Variants in USP26 observed in about 807,000 individuals in gnomAD.
USP26 encodes ubiquitin specific peptidase 26.
For missense variants in USP26, 649 were observed against 642.3 expected (o/e 1.01, Z -0.11); for synonymous variants, 236 against 240.6 (o/e 0.98, Z 0.18).
At chrX:133,068,820 G>A (rs2067521119) in intron 5 of USP26, among the ~76,000 whole-genome samples, 1 of 112,466 alleles carries the variant, frequency 8.9e-6, no homozygotes, top group South Asian at 3.7e-4. Context: ...TAGATGCAGT[G>A]CTTAAATTAA....
intron 1 of USP26, among the ~76,000 whole-genome samples, chrX:133,093,980 CAAAAAAAAAAAAAA>C (rs11327414): frequency 4.0e-5 from 1 of 24,938 alleles, no homozygotes; most frequent in Non-Finnish European, 6.5e-5. Context: ...GACCCTGTCT[CAAAAAAAAAAAAAA>C]AAAAAAAAAA....
Position 133,027,345 on chromosome X carries a change from T to A in USP26, c.876A>T (p.Lys292Asn). The change falls in exon 6 of 6, where the codon AAA becomes AAT. Residue 292 changes from lysine to asparagine, a missense_variant. Physicochemically the swap from Lys to Asn is moderately conservative, Grantham distance 94 (BLOSUM62 0). Transcript: ENST00000511190. The part of the protein sequence containing the change: ...LKLFFELFPE[K>N]ICHGLPNLGN... ...CCAAATTGGGGAGGCCGTGGCATAT[T>A]TTCTCTGGAAATAATTCAAAAAATA... The A allele has an allele frequency of 8.3e-7, 1 of 1,210,864 alleles. No homozygotes were observed. The highest frequency in any genetic ancestry group is 1.1e-6 in the Non-Finnish European group (1 of 894,796).
chrX:133,025,031 CAAAAA>C lies in USP26; in HGVS notation c.*443_*447del. 2.7e-5 allele frequency: 2 copies of C among 74,993 alleles called. No homozygotes were observed. The highest frequency in any genetic ancestry group is 5.9e-5 in the Non-Finnish European group (2 of 34,161). 6.2% of individuals were successfully genotyped at this position (74,993 alleles called of 1,213,427 possible). A position where few individuals can be genotyped will look rare whatever the true frequency, so the allele number is the denominator to read the frequency against. ...AGTGAGACCCTGTCTCTGCAAAAAGCAAAAAAAAAAAAAAAAATAGCTAGGCCTGG... is the reference window on the plus strand; with the variant it reads ...AGTGAGACCCTGTCTCTGCAAAAAGCAAAAAAAAAAAATAGCTAGGCCTGG... On this transcript the variant is annotated 3_prime_UTR_variant, in exon 6 of 6. Transcript: ENST00000511190.
intron 5 of USP26, among the ~76,000 whole-genome samples, chrX:133,037,074 G>A (rs960773693): frequency 8.9e-6 from 1 of 111,845 alleles, no homozygotes; most frequent in African/African-American, 3.2e-5. Flanking sequence ...CTGGATATTA[G>A]ACTTTTGTCA....
In USP26 at chrX:133,025,166, T is replaced by C. The variant is rs1332312498; in HGVS notation, c.*313A>G. ...GCCAGGAGTTTGAGGCTGCAGTGAG[T>C]TATTATTGAAGGACTGCACTCTAGC... is the stretch of plus-strand genomic sequence containing the variant. On this transcript the variant is annotated 3_prime_UTR_variant, in exon 6 of 6. Coordinates refer to ENST00000511190, the MANE Select transcript of USP26 (RefSeq NM_031907.3). The C allele has an allele frequency of 3.7e-6, 1 of 269,474 alleles. No individual in the cohort carries two copies. Among genetic ancestry groups the C allele is most frequent in the Admixed American group, 5.7e-5 (1 of 17,498 alleles). The allele number at this position is 269,474 out of a possible 1,213,427, so 22.2% of individuals were successfully genotyped here.
At chrX:133,070,759 G>C (rs1339058974) in intron 5 of USP26, among the ~76,000 whole-genome samples, 2 of 111,616 alleles carry the variant, frequency 1.8e-5, no homozygotes, top group East Asian at 5.6e-4. Flanking sequence ...ACATATTTAA[G>C]CTCCAGGGTG....
intron 5 of USP26, among the ~76,000 whole-genome samples, chrX:133,067,829 T>C (rs906937064): frequency 8.9e-6 from 1 of 111,933 alleles, no homozygotes; most frequent in Non-Finnish European, 1.9e-5. Context: ...CCATGGCACA[T>C]GTATACCTAT....
chrX:133,047,603 A>T (rs1020277095), intron 5 of USP26, among the ~76,000 whole-genome samples: 4 of 112,041 alleles, frequency 3.6e-5, no homozygotes, highest in African/African-American at 1.3e-4. Context: ...CTGAACGTTT[A>T]TCCCCACCTT....
chrX:133,048,106 A>G (rs994571872), intron 5 of USP26, among the ~76,000 whole-genome samples: 3 of 111,543 alleles, frequency 2.7e-5, no homozygotes, highest in Non-Finnish European at 5.6e-5. Context: ...TAAAGTCTCA[A>G]TATCCTGGCA....
At chrX:133,078,944 C>T (rs987329079) in intron 5 of USP26, among the ~76,000 whole-genome samples, 3 of 112,005 alleles carry the variant, frequency 2.7e-5, no homozygotes, top group African/African-American at 6.5e-5. Flanking sequence ...GAAGAAAGAA[C>T]CTGAAAATAA....
At chrX:133,090,081 A>C (rs960268318) in intron 4 of USP26, 32 bp downstream of exon 4, 6 of 111,902 alleles carry the variant, frequency 5.4e-5, no homozygotes, top group Non-Finnish European at 9.4e-5. Context: ...GTTCTACAAA[A>C]AATAAAAAAT....
intron 5 of USP26, among the ~76,000 whole-genome samples, chrX:133,036,135 T>C (rs2067395114): frequency 9.1e-6 from 1 of 110,142 alleles, no homozygotes; most frequent in Non-Finnish European, 1.9e-5. Flanking sequence ...TATATATATA[T>C]ATGTACCAGT....
At chrX:133,070,854 C>T (rs979244982) in intron 5 of USP26, among the ~76,000 whole-genome samples, 10 of 111,232 alleles carry the variant, frequency 9.0e-5, no homozygotes, top group African/African-American at 3.3e-4. Flanking sequence ...GAAAATCTTC[C>T]AGAATTAATG....
Position 133,026,897 on chromosome X carries a change from A to G in USP26, c.1324T>C (p.Leu442=), listed in dbSNP as rs778684071. ...GCTTTACAAGCAATGGAGTGCAACA[A>G]CTCTAACTCAAAATTAGTAATGACA... is the stretch of plus-strand genomic sequence containing the variant. ...CPVITNFELE[L]LHSIACKACG... is the part of the protein sequence containing the mutation. The change falls in exon 6 of 6, where the codon TTG becomes CTG. Residue 442 remains leucine (L), a synonymous_variant. Transcript: ENST00000511190. The G allele has an allele frequency of 2.5e-6, 3 of 1,211,259 alleles. No individual in the cohort carries two copies. In the South Asian group the frequency reaches 5.3e-5, roughly 21 times the overall value.
chrX:133,048,876 T>C (rs1569510158), intron 5 of USP26, among the ~76,000 whole-genome samples: 1 of 111,905 alleles, frequency 8.9e-6, no homozygotes, highest in Non-Finnish European at 1.9e-5. Context: ...CACTTGTTTT[T>C]GCTCCACTAA....
rs146845276 is a variant in USP26, at chrX:133,050,858, C to T, written c.-76-22562G>A. Among the ~76,000 whole-genome samples, 1,077 of 111,867 alleles carry T rather than the reference C, an allele frequency of 9.6e-3. 23 individuals are homozygous for T. The East Asian group carries it at 0.1, about 10-fold the overall frequency. On this transcript the variant is annotated intron_variant, in intron 5 of 5. Coordinates refer to ENST00000511190, the MANE Select transcript of USP26 (RefSeq NM_031907.3). ...ATCCACACTGTTAATATGGTAGCCA[C>T]AAGCCATATGTGGTTACTGAATGCT...
intron 5 of USP26, among the ~76,000 whole-genome samples, chrX:133,059,585 A>G (rs1425899867): frequency 1.8e-5 from 2 of 110,329 alleles, no homozygotes; most frequent in Non-Finnish European, 3.8e-5. Flanking sequence ...GTCAAAAAGA[A>G]TCCAAGCATC....
At chrX:133,079,214 A>G (rs1332523315) in intron 5 of USP26, among the ~76,000 whole-genome samples, 1 of 111,797 alleles carries the variant, frequency 8.9e-6, no homozygotes, top group Admixed American at 9.6e-5. Context: ...GACTCTGTCA[A>G]GGTAGTGCTC....
chrX:133,046,632 CGAGAGAGA>C (rs34047132), intron 5 of USP26, among the ~76,000 whole-genome samples: 145 of 104,450 alleles, frequency 1.4e-3, no homozygotes, highest in Non-Finnish European at 2.2e-3. Flanking sequence ...GTGTGTGAGA[CGAGAGAGA>C]GAGAGAGAGA....
Sources: allele counts gnomAD v4.1 joint callset (sites outside exome capture counted in the v4.1 genomes callset), GRCh38; gene constraint gnomAD v4.1.1; transcripts MANE v1.5; gene names NCBI Gene and HGNC (gene_info 2026-07-23, HGNC 2026-07-21).